The following FAM151B variants were observed in gnomAD, a reference collection of about 807,000 sequenced individuals.
FAM151B encodes the protein protein FAM151B.
A neutral mutation model predicts 31.2 loss-of-function variants in FAM151B; 24 were observed. The observed-to-expected ratio is 0.77, with a 90% CI of 0.56 to 1.08. FAM151B has a LOEUF of 1.08. FAM151B is among the 50% of genes least tolerant of loss of function. FAM151B has a pLI of 0.00. For missense variants in FAM151B, 293 were observed against 328.6 expected, an observed-to-expected ratio of 0.89 and a Z score of 0.84; for synonymous variants, 105 against 111.4, an observed-to-expected ratio of 0.94 and a Z score of 0.36.
At chr5:80,492,318 ATATT>A (rs1743362951) in intron 1 of FAM151B, among the ~76,000 whole-genome samples, 2 of 152,122 alleles carry the variant, frequency 1.3e-5, no homozygotes, top group South Asian at 4.1e-4. Context: ...TAAAATTATT[ATATT>A]TATTATGGTG....
intron 2 of FAM151B, among the ~76,000 whole-genome samples, chr5:80,504,015 G>A (rs1280330784): frequency 6.6e-6 from 1 of 152,110 alleles, no homozygotes; most frequent in Non-Finnish European, 1.5e-5. Flanking sequence ...GTGTCTCCAG[G>A]CCAGGTCTCC....
Position 80,518,075 on chromosome 5 carries a change from GAAAAAAAAA to G in FAM151B, c.318-1607_318-1599del, listed in dbSNP as rs796173147. Among the ~76,000 whole-genome samples the G allele has an allele frequency of 3.1e-3, 225 of 72,818 alleles. 1 individual carries two copies. The highest frequency in any genetic ancestry group is 0.012 in the African/African-American group (217 of 17,600). 47.8% of individuals were successfully genotyped at this position (72,818 alleles called of 152,430 possible). ...TGACAGGGCGAAACTCCATCTCAAA[GAAAAAAAAA>G]AAAAAAAAAAGAAACTGGATATTAT... On this transcript the variant is annotated intron_variant, in intron 3 of 5. Transcript: ENST00000282226.
At position 80,489,938 on chromosome 5, in the gene FAM151B, C is replaced by CAAAAACA. The variant is rs369923046; in HGVS notation, c.25+1795_25+1796insCAAAAAA. Among the ~76,000 whole-genome samples the CAAAAACA allele has an allele frequency of 1.1e-4, 16 of 148,822 alleles. 1 individual carries two copies. The highest frequency in any genetic ancestry group is 3.9e-4 in the African/African-American group (15 of 38,820). On this transcript the variant is annotated intron_variant, in intron 1 of 5. Coordinates refer to ENST00000282226, the MANE Select transcript of FAM151B (RefSeq NM_205548.3). Reference sequence around the variant, plus strand: ...AACTGTCTCAAAACAAAAACAAAAACAAAAATTTCTTCTCATTACCGAGTT... The same window carrying CAAAAACA: ...AACTGTCTCAAAACAAAAACAAAAACAAAAACAAAAAATTTCTTCTCATTACCGAGTT...
chr5:80,535,864 T>C (rs1008884140), intron 5 of FAM151B, among the ~76,000 whole-genome samples: 1 of 152,144 alleles, frequency 6.6e-6, no homozygotes, highest in Non-Finnish European at 1.5e-5. Context: ...ATAACTAGAA[T>C]ATATAAGTAG....
rs779772925 is a variant in FAM151B, at chr5:80,501,838, G to A, written c.72G>A (p.Gln24=). The A allele has an allele frequency of 1.9e-6, 3 of 1,602,888 alleles. No individual in the cohort carries two copies. Among genetic ancestry groups the A allele is most frequent in the South Asian group, 2.2e-5 (2 of 89,574 alleles). The change falls in exon 2 of 6, where the codon CAG becomes CAA. Residue 24 remains glutamine, a synonymous_variant. Transcript: ENST00000282226. ...TGGAATATTTTCTGAGAAATAGCCA[G>A]ATTACAGCAGAAGACGGTGCTGAGA... ...NILEYFLRNS[Q]ITAEDGAEIT...
chr5:80,503,522 T>C (rs1743827240), intron 2 of FAM151B, among the ~76,000 whole-genome samples: 1 of 151,944 alleles, frequency 6.6e-6, no homozygotes, highest in African/African-American at 2.4e-5. Context: ...TGAGCTGTGA[T>C]TGCACCATTG....
At position 80,528,615 on chromosome 5, in the gene FAM151B, G is replaced by A. The variant is rs150055548; in HGVS notation, c.671+6477G>A. On this transcript the variant is annotated intron_variant, in intron 5 of 5. Transcript: ENST00000282226. ...TTCAACACACAAAAAAAATTAGCTGGGTGTGGTGGCATGTGCCTGTAATCC... is the reference window on the plus strand; with the variant it reads ...TTCAACACACAAAAAAAATTAGCTGAGTGTGGTGGCATGTGCCTGTAATCC... Among the ~76,000 whole-genome samples the A allele has an allele frequency of 6.8e-4, 104 of 152,090 alleles. 1 individual carries two copies. The highest frequency in any genetic ancestry group is 1.3e-3 in the Non-Finnish European group (85 of 67,974).
chr5:80,501,230 G>A (rs1179760859), intron 1 of FAM151B: 1 of 359,266 alleles, frequency 2.8e-6, no homozygotes, highest in African/African-American at 2.2e-5. Flanking sequence ...ATGTTGGCCA[G>A]GCTGCTCTCC....
chr5:80,506,323 C>T (rs989353535), intron 2 of FAM151B, among the ~76,000 whole-genome samples: 1 of 152,124 alleles, frequency 6.6e-6, no homozygotes. Context: ...TTATTGGTAG[C>T]TGTCTTAAAA....
chr5:80,518,605 A>G (rs952752100), intron 3 of FAM151B, among the ~76,000 whole-genome samples: 2 of 152,342 alleles, frequency 1.3e-5, no homozygotes, highest in African/African-American at 4.8e-5. Flanking sequence ...ATTCAGGGGC[A>G]GAAGAGTGAG....
chr5:80,510,102 T>C (rs895472773), intron 2 of FAM151B, among the ~76,000 whole-genome samples: 6 of 152,218 alleles, frequency 3.9e-5, no homozygotes, highest in African/African-American at 1.4e-4. Flanking sequence ...TCTATTGCTG[T>C]GTAATAGAAT....
In FAM151B at chr5:80,541,950, G is replaced by A; in HGVS notation, c.*118G>A. ...TTGACGTTCCAAGTCATCTAATCAA[G>A]AAACGTTTATTGTATGCTTACTCTG... On this transcript the variant is annotated 3_prime_UTR_variant, in exon 6 of 6. Coordinates refer to ENST00000282226, the MANE Select transcript of FAM151B (RefSeq NM_205548.3). The A allele has an allele frequency of 9.1e-7, 1 of 1,098,478 alleles. No homozygotes were observed. Among genetic ancestry groups the A allele is most frequent in the South Asian group, 1.6e-5 (1 of 60,630 alleles). The allele number at this position is 1,098,478 out of a possible 1,614,324, so 68.0% of individuals were successfully genotyped here. A position where few individuals can be genotyped will look rare whatever the true frequency, so the allele number is the denominator to read the frequency against.
At chr5:80,504,583 C>T (rs567026921) in intron 2 of FAM151B, among the ~76,000 whole-genome samples, 4 of 130,986 alleles carry the variant, frequency 3.1e-5, no homozygotes, top group South Asian at 2.3e-4. Context: ...TGCAGTGGCA[C>T]GATCTATGCT....
In FAM151B at chr5:80,522,082, A is replaced by G. The variant is rs1485593283; in HGVS notation, c.615A>G (p.Ala205=). 3 of 1,613,286 alleles carry G rather than the reference A, an allele frequency of 1.9e-6. No individual in the cohort carries two copies. The highest frequency in any genetic ancestry group is 1.7e-5 in the Admixed American group (1 of 60,002). ...AGCCTGTAACGTTCCCTGTCAGAGC[A>G]GCATTAGTCAGGCAGTCTTGTTCTC... The part of the protein sequence containing the change: ...LSQPVTFPVR[A]ALVRQSCSQL... Residue 205 remains alanine (A), a synonymous_variant, in exon 5 of 6, where the codon GCA becomes GCG. Transcript: ENST00000282226.
At chr5:80,500,340 G>A (rs930544395) in intron 1 of FAM151B, 4 of 895,272 alleles carry the variant, frequency 4.5e-6, no homozygotes, top group Admixed American at 3.4e-5. Flanking sequence ...ACCATGGAGG[G>A]TGTAGAAGAG....
rs1461518724 is a variant in FAM151B at position 80,497,804 on chromosome 5, GA to G, written c.26-3987del. On this transcript the variant is annotated intron_variant, in intron 1 of 5. Coordinates refer to ENST00000282226, the MANE Select transcript of FAM151B (RefSeq NM_205548.3). ...ACCAGGGCCTGTCGTGGGGTAGGGG[GA>G]GGGGGGAGGGATAGCATGAGGAGAT... 1.7e-3 allele frequency among the ~76,000 whole-genome samples: 226 copies of G among 134,198 alleles called. 1 individual carries two copies. The highest frequency in any genetic ancestry group is 5.9e-3 in the African/African-American group (217 of 36,722). 88.0% of individuals were successfully genotyped at this position (134,198 alleles called of 152,430 possible).
chr5:80,504,730 G>A (rs2112611567), intron 2 of FAM151B, among the ~76,000 whole-genome samples: 1 of 152,044 alleles, frequency 6.6e-6, no homozygotes. Flanking sequence ...ATGTTGGCTA[G>A]GATGGTCTCC....
intron 2 of FAM151B, among the ~76,000 whole-genome samples, chr5:80,508,500 G>A (rs1290386591): frequency 6.6e-6 from 1 of 151,802 alleles, no homozygotes; most frequent in East Asian, 1.9e-4. Flanking sequence ...TCTCATTGTG[G>A]TGTAGATTTG....
intron 2 of FAM151B, among the ~76,000 whole-genome samples, chr5:80,512,687 C>T (rs762311731): frequency 1.3e-5 from 2 of 149,486 alleles, no homozygotes; most frequent in Admixed American, 6.7e-5. Flanking sequence ...GAAGCTGAGG[C>T]GGGAGGATTG....
Sources: gnomAD v4.1 joint callset for allele counts (sites outside exome capture counted in the v4.1 genomes callset) on GRCh38, gnomAD v4.1.1 for gene constraint, MANE v1.5 for transcripts, NCBI Gene and HGNC (gene_info 2026-07-23, HGNC 2026-07-21) for gene names.